The following POLRMT variants were observed in gnomAD, a reference collection of about 807,000 sequenced individuals.
POLRMT encodes RNA polymerase mitochondrial, also known as DNA-directed RNA polymerase, mitochondrial.
In POLRMT, 114 loss-of-function variants were observed where a neutral mutation model predicts 132.2. The ratio of observed to expected loss-of-function variants is 0.86; its 90% CI spans 0.74 to 1.01. The LOEUF (loss-of-function observed/expected upper bound fraction) is 1.01, where lower values mean the gene tolerates loss of function less well. Ranked by LOEUF, POLRMT falls within the 50% of genes least tolerant of loss-of-function variation. POLRMT has a pLI of 0.00. For synonymous variants in POLRMT, 1,020 were observed against 773.4 expected (o/e 1.32, Z -5.29); for missense variants, 2,003 against 1,729.1 (o/e 1.16, Z -2.81).
chr19:628,024 G>A (rs1352918981), intron 3 of POLRMT, among the ~76,000 whole-genome samples: 1 of 152,048 alleles, frequency 6.6e-6, no homozygotes, highest in Non-Finnish European at 1.5e-5. Flanking sequence ...AATTATCCGG[G>A]GGTGGTGGCA....
At position 617,554 on chromosome 19, in the gene POLRMT, T is replaced by G. The variant is rs981037336; in HGVS notation, c.3581+16A>C. The G allele has an allele frequency of 2.5e-6, 4 of 1,610,722 alleles. No homozygotes were observed. In the African/African-American group the frequency reaches 4.0e-5, roughly 16 times the overall value. On this transcript the variant is annotated intron_variant, in intron 19 of 20. Coordinates refer to ENST00000588649, the MANE Select transcript of POLRMT (RefSeq NM_005035.4). ...GGGGGGGGAATCCAGGTAGTTGGGG[T>G]CAGGGAGCGCCTTACTCAGAGCAGA...
chr19:620,702 A>C (rs1355186314), intron 10 of POLRMT, among the ~76,000 whole-genome samples: 3 of 135,632 alleles, frequency 2.2e-5, no homozygotes, highest in Non-Finnish European at 4.6e-5. Context: ...GGCTGAAACA[A>C]GCGTGTCCGG....
intron 10 of POLRMT, among the ~76,000 whole-genome samples, 167 bp downstream of exon 10, chr19:620,884 GGGGCGCC>G (rs1984488473): frequency 1.9e-5 from 1 of 52,348 alleles, no homozygotes. Context: ...GGGGGACGTG[GGGGCGCC>G]AGGGGAGGGG....
At chr19:626,491 T>C (rs2144664353) in intron 3 of POLRMT, among the ~76,000 whole-genome samples, 1 of 150,744 alleles carries the variant, frequency 6.6e-6, no homozygotes, top group Admixed American at 6.6e-5. Context: ...TTTTTTTTTT[T>C]TCATTTAATT....
rs1984346835 is a variant in POLRMT, at chr19:619,680, T to C, written c.2972A>G (p.Lys991Arg). 1 of 1,610,192 alleles carries C rather than the reference T, an allele frequency of 6.2e-7. No individual in the cohort carries two copies. The highest frequency in any genetic ancestry group is 2.2e-4 in the Middle Eastern group (1 of 4,492). Residue 991 changes from lysine (K) to arginine (R), a missense_variant, in exon 13 of 21, where the codon AAG (lysine) becomes AGG (arginine). By Grantham distance (26) the Lys-to-Arg change is conservative. Transcript: ENST00000588649. ...LEGFITRKVV[K>R]QTVMTVVYGV... ...GTACACCACCGTCATCACCGTCTGCTTCACCACCTTGCGGGTGATGAAACC... is the reference window on the plus strand; with the variant it reads ...GTACACCACCGTCATCACCGTCTGCCTCACCACCTTGCGGGTGATGAAACC...
chr19:618,058 T>TC, intron 17 of POLRMT: 1 of 560,568 alleles, frequency 1.8e-6, no homozygotes, highest in Non-Finnish European at 3.1e-6. Flanking sequence ...AGAAGCCTCC[T>TC]CGCCCCACCC....
Position 630,038 on chromosome 19 carries a change from C to A in POLRMT, c.324G>T (p.Gln108His). Residue 108 changes from glutamine (Q) to histidine (H), a missense_variant, in exon 3 of 21, where the codon CAG becomes CAT. By Grantham distance (24) the Gln-to-His change is conservative. Coordinates refer to ENST00000588649, the MANE Select transcript of POLRMT (RefSeq NM_005035.4). ...DGSLQPPRKV[Q>H]MGAKDATPVP... ...CCGGGGTGGCATCCTTGGCCCCCAT[C>A]TGGACCTTCCTGGGTGGCTGGAGGC... is the stretch of plus-strand genomic sequence containing the variant. 2 of 1,613,892 alleles carry A rather than the reference C, an allele frequency of 1.2e-6. No individual in the cohort carries two copies. Among genetic ancestry groups the A allele is most frequent in the Non-Finnish European group, 8.5e-7 (1 of 1,180,018 alleles).
rs1985535606 is a variant in POLRMT at position 632,954 on chromosome 19, G to A, written c.89-16C>T. ...CCGGCGGTCCCTGCGGGAAAGACGA[G>A]AGCGGCTGAGCGGGGCCGGGCGTGT... On this transcript the variant is annotated splice_polypyrimidine_tract_variant and intron_variant, in intron 1 of 20. Transcript: ENST00000588649. The A allele has an allele frequency of 2.0e-6, 3 of 1,482,332 alleles. No individual in the cohort carries two copies. The highest frequency in any genetic ancestry group is 2.7e-6 in the Non-Finnish European group (3 of 1,119,632). The allele number at this position is 1,482,332 out of a possible 1,614,324, so 91.8% of individuals were successfully genotyped here.
chr19:618,755 T>A lies in POLRMT; in HGVS notation c.3273A>T (p.Ile1091=). 1 of 1,601,562 alleles carries A rather than the reference T, an allele frequency of 6.2e-7. No individual in the cohort carries two copies. Among genetic ancestry groups the A allele is most frequent in the Non-Finnish European group, 8.5e-7 (1 of 1,174,838 alleles). ...AGGTGATGCTCTGAATTCCACCTCC[T>A]ATTTGCTAAAAAGGGGAAGGGGCCG... ...PYRLDSKVKQ[I]GGGIQSITYT... Residue 1091 remains isoleucine, a synonymous_variant, in exon 16 of 21, where the codon ATA becomes ATT. Transcript: ENST00000588649.
At chr19:621,926 G>A (rs914753139) in intron 9 of POLRMT, 80 bp from the exon 10 acceptor site, 10 of 1,498,306 alleles carry the variant, frequency 6.7e-6, no homozygotes, top group East Asian at 2.4e-5. Flanking sequence ...GGGTGAGAGG[G>A]GCCGGCTCCC....
At chr19:618,914 T>C (rs1984252629) in intron 15 of POLRMT, 83 bp downstream of exon 15, 2 of 1,354,984 alleles carry the variant, frequency 1.5e-6, no homozygotes, top group African/African-American at 1.5e-5. Flanking sequence ...ACTGGGGTGG[T>C]GGTACGCTGG....
Position 633,435 on chromosome 19 carries a change from G to A in POLRMT, c.78C>T (p.Pro26=), listed in dbSNP as rs757346328. Residue 26 remains proline (P), a synonymous_variant, in exon 1 of 21, where the codon CCC becomes CCT. Transcript: ENST00000588649. ...CTCCCTTTGTGTTACCTTCTTTGCC[G>A]GGGAGTCCCGGGCGGCCGCAAGGCC... ...ALRPCGRPGL[P]GKEGTAGGVC... The A allele has an allele frequency of 6.4e-7, 1 of 1,550,398 alleles. No individual in the cohort carries two copies. The highest frequency in any genetic ancestry group is 2.5e-5 in the East Asian group (1 of 39,970).
rs573696899 is a variant in POLRMT at position 620,395 on chromosome 19, G to A, written c.2733C>T (p.Ala911=). The change falls in exon 11 of 21, where the codon GCC becomes GCT. Residue 911 remains alanine (A), a synonymous_variant. Transcript: ENST00000588649. ...GGACGGGGAGGTGGGAGACATAGGC[G>A]GCAGGGTCGGAGGCGCGCACAGCGT... is the stretch of plus-strand genomic sequence containing the variant. ...VANAVRASDP[A]AYVSHLPVHQ... The A allele has an allele frequency of 2.5e-6, 4 of 1,583,432 alleles. No individual in the cohort carries two copies. The highest frequency in any genetic ancestry group is 3.4e-6 in the Non-Finnish European group (4 of 1,165,986).
In POLRMT at chr19:620,175, G is replaced by A. The variant is rs114668165; in HGVS notation, c.2764-95C>T. ...CCCAGGTCGAGCCGTTCCTAGGGCC[G>A]TGCACCCCCCAGCCAAGTGCACCGG... On this transcript the variant is annotated intron_variant, in intron 11 of 20. Transcript: ENST00000588649. 1,665 of 1,498,290 alleles carry A rather than the reference G, an allele frequency of 1.1e-3. 17 individuals are homozygous for A. The African/African-American group carries it at 0.019, about 18-fold the overall frequency. The allele number at this position is 1,498,290 out of a possible 1,614,324, so 92.8% of individuals were successfully genotyped here.
Position 628,339 on chromosome 19 carries a change from G to A in POLRMT, c.822+1201C>T, listed in dbSNP as rs74403576. ...TGTGACCTTGGAGGGGAAAATACAC[G>A]ACCCTCATCCTCAGTCCTCCCGGAG... is the stretch of plus-strand genomic sequence containing the variant. On this transcript the variant is annotated intron_variant, in intron 3 of 20. Coordinates refer to ENST00000588649, the MANE Select transcript of POLRMT (RefSeq NM_005035.4). Among the ~76,000 whole-genome samples, 303 of 152,288 alleles carry A rather than the reference G, an allele frequency of 2.0e-3. 7 individuals are homozygous for A. In the East Asian group the frequency reaches 0.052, roughly 26 times the overall value.
intron 13 of POLRMT, 117 bp downstream of exon 13, chr19:619,469 C>T (rs1376267564): frequency 1.5e-5 from 22 of 1,434,816 alleles, no homozygotes; most frequent in Middle Eastern, 2.1e-4. Context: ...AACAGGCAGC[C>T]AGTGGTCTGG....
chr19:617,686 G>C (rs752275492), intron 18 of POLRMT, 31 bp from the exon 19 acceptor site: 147 of 1,612,066 alleles, frequency 9.1e-5, no homozygotes, highest in Non-Finnish European at 1.2e-4. Context: ...CCCCAGGGGT[G>C]ATCAGGCAGG....
At chr19:625,851 C>G (rs970267470) in intron 3 of POLRMT, among the ~76,000 whole-genome samples, 2 of 150,788 alleles carry the variant, frequency 1.3e-5, no homozygotes, top group Non-Finnish European at 3.0e-5. Flanking sequence ...TACAGGCACA[C>G]GCCACCACAC....
intron 6 of POLRMT, 118 bp from the exon 7 acceptor site, chr19:623,103 G>T: frequency 7.8e-7 from 1 of 1,286,112 alleles, no homozygotes; most frequent in Non-Finnish European, 1.0e-6. Flanking sequence ...TCCCTGCTGT[G>T]TGTTCCGGGT....
Sources: allele counts gnomAD v4.1 joint callset (sites outside exome capture counted in the v4.1 genomes callset), GRCh38; gene constraint gnomAD v4.1.1; transcripts MANE v1.5; gene names NCBI Gene and HGNC (gene_info 2026-07-23, HGNC 2026-07-21).